The following CSNK1G3 variants were observed in gnomAD, a reference collection of about 807,000 sequenced individuals.
CSNK1G3 encodes casein kinase 1 gamma 3.
In CSNK1G3, 23 loss-of-function variants were observed where a neutral mutation model predicts 64.3. The ratio of observed to expected loss-of-function variants is 0.36; its 90% CI spans 0.26 to 0.51. The LOEUF is 0.51. Ranked by LOEUF, CSNK1G3 falls within the 20% of genes least tolerant of loss-of-function variation. The pLI is 0.96. For missense variants in CSNK1G3, 357 were observed against 510.5 expected, an observed-to-expected ratio of 0.70 and a Z score of 2.90; for synonymous variants, 158 against 162.2, an observed-to-expected ratio of 0.97 and a Z score of 0.20.
chr5:123,557,552 T>C (rs757935911), exon 4 of CSNK1G3: 22 of 1,596,194 alleles, frequency 1.4e-5, no homozygotes, highest in Non-Finnish European at 2.6e-6. Context: ...CTATAAGCAG[T>C]TAGGATCTGG....
At chr5:123,546,003 A>T in intron 2 of CSNK1G3, 162 bp downstream of exon 2, 1 of 655,850 alleles carries the variant, frequency 1.5e-6, no homozygotes. Context: ...TTGTATTTTC[A>T]TGTGTAAGGA....
chr5:123,524,884 G>T (rs1778761107), intron 1 of CSNK1G3, among the ~76,000 whole-genome samples: 1 of 152,102 alleles, frequency 6.6e-6, no homozygotes, highest in African/African-American at 2.4e-5. Flanking sequence ...GGGTGGGGGG[G>T]AGCACTGGTG....
chr5:123,572,050 GC>G (rs1449611712), intron 4 of CSNK1G3, among the ~76,000 whole-genome samples: 11 of 152,174 alleles, frequency 7.2e-5, no homozygotes, highest in Admixed American at 3.9e-4. Flanking sequence ...AACAAGAATG[GC>G]CTCAGTCTGA....
intron 1 of CSNK1G3, among the ~76,000 whole-genome samples, chr5:123,536,072 G>T (rs536839808): frequency 2.0e-5 from 3 of 152,210 alleles, no homozygotes; most frequent in East Asian, 1.9e-4. Context: ...GAACAGTTTT[G>T]GTTCTCCAGA....
At chr5:123,594,164 C>T (rs1012862371) in intron 10 of CSNK1G3, among the ~76,000 whole-genome samples, 10 of 152,040 alleles carry the variant, frequency 6.6e-5, no homozygotes, top group Admixed American at 3.3e-4. Context: ...TAATTCAGAA[C>T]CAAACATGTA....
At chr5:123,544,503 T>C (rs987264059) in intron 1 of CSNK1G3, among the ~76,000 whole-genome samples, 1 of 152,214 alleles carries the variant, frequency 6.6e-6, no homozygotes, top group Non-Finnish European at 1.5e-5. Flanking sequence ...TATCAATCCT[T>C]GTTTCTTCAT....
At chr5:123,539,543 AC>A (rs1781368655) in intron 1 of CSNK1G3, among the ~76,000 whole-genome samples, 2 of 151,636 alleles carry the variant, frequency 1.3e-5, no homozygotes, top group African/African-American at 2.4e-5. Context: ...CTAGTATTAA[AC>A]TCTGTTTGAT....
exon 1 of CSNK1G3, chr5:123,512,393 C>A: frequency 6.6e-6 from 1 of 152,380 alleles, no homozygotes; most frequent in Non-Finnish European, 1.5e-5. Flanking sequence ...ACCTCTCTCT[C>A]TCGCTCCTTC....
intron 12 of CSNK1G3, among the ~76,000 whole-genome samples, chr5:123,612,473 G>C (rs565465072): frequency 4.6e-5 from 7 of 151,440 alleles, no homozygotes; most frequent in Non-Finnish European, 8.9e-5. Flanking sequence ...TGGGACACTT[G>C]AAGCTATTTT....
chr5:123,598,462 A>G (rs532073113), intron 10 of CSNK1G3, among the ~76,000 whole-genome samples: 2 of 152,280 alleles, frequency 1.3e-5, no homozygotes, highest in Admixed American at 1.3e-4. Context: ...TTGATACGAA[A>G]AGCACCTAAC....
At chr5:123,578,801 A>G (rs1789667889) in intron 6 of CSNK1G3, among the ~76,000 whole-genome samples, 1 of 151,944 alleles carries the variant, frequency 6.6e-6, no homozygotes, top group African/African-American at 2.4e-5. Context: ...GGTGTGAGAT[A>G]GGGGTTGAGG....
chr5:123,541,759 G>C (rs1781716150), intron 1 of CSNK1G3, among the ~76,000 whole-genome samples: 2 of 152,138 alleles, frequency 1.3e-5, no homozygotes, highest in African/African-American at 4.8e-5. Flanking sequence ...CTTGTAAACA[G>C]TTTGTAGTTG....
At chr5:123,572,790 A>G (rs543131804) in intron 4 of CSNK1G3, among the ~76,000 whole-genome samples, 1 of 152,312 alleles carries the variant, frequency 6.6e-6, no homozygotes, top group East Asian at 1.9e-4. Context: ...TTAAAGTCTC[A>G]CCTGAATAGG....
chr5:123,525,514 C>CA (rs1451300795), intron 1 of CSNK1G3, among the ~76,000 whole-genome samples: 1 of 151,994 alleles, frequency 6.6e-6, no homozygotes, highest in Non-Finnish European at 1.5e-5. Flanking sequence ...GGCTTGGTCT[C>CA]AACTTCCTGA....
At chr5:123,556,742 C>T (rs1451513473) in intron 3 of CSNK1G3, among the ~76,000 whole-genome samples, 1 of 149,786 alleles carries the variant, frequency 6.7e-6, no homozygotes, top group Non-Finnish European at 1.5e-5. Flanking sequence ...ACGTCTAAAA[C>T]CCATGTTTCC....
At chr5:123,586,984 C>T (rs1305961127) in intron 6 of CSNK1G3, among the ~76,000 whole-genome samples, 2 of 152,154 alleles carry the variant, frequency 1.3e-5, no homozygotes, top group Non-Finnish European at 2.9e-5. Context: ...CATCAGGTCT[C>T]ATAAGACTTA....
chr5:123,610,738 G>C (rs1796181322), intron 12 of CSNK1G3, among the ~76,000 whole-genome samples: 1 of 152,144 alleles, frequency 6.6e-6, no homozygotes, highest in Non-Finnish European at 1.5e-5. Context: ...CATTTTGAGA[G>C]GCTGAGGTGG....
intron 6 of CSNK1G3, among the ~76,000 whole-genome samples, chr5:123,583,576 C>T (rs1790758129): frequency 6.6e-6 from 1 of 150,802 alleles, no homozygotes; most frequent in Non-Finnish European, 1.5e-5. Context: ...GTTGGTCAGG[C>T]TGCTCTCGAA....
intron 1 of CSNK1G3, among the ~76,000 whole-genome samples, chr5:123,524,586 G>A (rs527760529): frequency 1.3e-5 from 2 of 151,742 alleles, no homozygotes; most frequent in Admixed American, 6.6e-5. Flanking sequence ...TTTTGCCTCC[G>A]GTTCCTATTC....
Sources: gnomAD v4.1 joint callset for allele counts (sites outside exome capture counted in the v4.1 genomes callset) on GRCh38, gnomAD v4.1.1 for gene constraint, MANE v1.5 for transcripts, NCBI Gene and HGNC (gene_info 2026-07-23, HGNC 2026-07-21) for gene names.